ATP7A: variants seen among roughly 807,000 people sequenced by gnomAD.
The protein encoded by ATP7A is ATPase copper transporting alpha.
A neutral mutation model predicts 83.5 loss-of-function variants in ATP7A; 7 were observed. The observed-to-expected ratio is 0.08, with a 90% CI of 0.05 to 0.16. The LOEUF (loss-of-function observed/expected upper bound fraction) is 0.16. Ranked by LOEUF, ATP7A falls within the 10% of genes least tolerant of loss-of-function variation. The probability of loss-of-function intolerance (pLI) is 1.00; values close to 1 mark genes in which losing one functional copy is unlikely to be tolerated. For missense variants in ATP7A, 940 were observed against 1,120.8 expected (o/e 0.84, Z 2.30); for synonymous variants, 354 against 395.2 (o/e 0.90, Z 1.24).
chrX:77,978,351 C>G (rs2077587358), intron 2 of ATP7A, among the ~76,000 whole-genome samples: 1 of 110,997 alleles, frequency 9.0e-6, no homozygotes, highest in Admixed American at 9.7e-5. Flanking sequence ...TCTTGGAACA[C>G]CCCTACTACT....
chrX:77,922,571 C>G (rs2077221925), intron 1 of ATP7A, among the ~76,000 whole-genome samples: 1 of 111,288 alleles, frequency 9.0e-6, no homozygotes, highest in Non-Finnish European at 1.9e-5. Flanking sequence ...CACACCCCAC[C>G]CCACCCCACA....
intron 22 of ATP7A, 22 bp from the exon 23 acceptor site, chrX:78,046,272 G>A (rs1557239079): frequency 1.7e-6 from 2 of 1,208,108 alleles, no homozygotes; most frequent in Non-Finnish European, 2.2e-6. Flanking sequence ...TTTGAAACTA[G>A]CATACTTTTG....
At chrX:78,017,811 C>T (rs1487902686) in intron 12 of ATP7A, among the ~76,000 whole-genome samples, 7 of 78,288 alleles carry the variant, frequency 8.9e-5, no homozygotes, top group Non-Finnish European at 1.3e-4. Context: ...GAGTCTCGCT[C>T]TGTCGCCCAG....
chrX:77,949,661 A>T (rs781865771), intron 1 of ATP7A, among the ~76,000 whole-genome samples: 2 of 112,085 alleles, frequency 1.8e-5, no homozygotes, highest in South Asian at 7.3e-4. Context: ...TAAGCATGCT[A>T]TGGGCATCTG....
Position 77,971,630 on chromosome X carries a change from G to A in ATP7A, c.-12G>A. The A allele has an allele frequency of 8.3e-7, 1 of 1,209,971 alleles. No individual in the cohort carries two copies. Among genetic ancestry groups the A allele is most frequent in the African/African-American group, 1.7e-5 (1 of 57,816 alleles). ...TTATTGTTTCTAACAGGAATGTAAT[G>A]AGGAAATCAAAATGGATCCAAGTAT... On this transcript the variant is annotated 5_prime_UTR_variant, in exon 2 of 23. It removes an upstream start codon present in the reference 5' UTR. Coordinates refer to ENST00000341514, the MANE Select transcript of ATP7A (RefSeq NM_000052.7).
At chrX:77,931,891 G>C (rs1242447917) in intron 1 of ATP7A, among the ~76,000 whole-genome samples, 1 of 99,397 alleles carries the variant, frequency 1.0e-5, no homozygotes, top group African/African-American at 3.7e-5. Context: ...CCCAGTAGGG[G>C]CGGCCGGGCA....
At chrX:77,956,230 T>C (rs1263428252) in intron 1 of ATP7A, among the ~76,000 whole-genome samples, 1 of 111,914 alleles carries the variant, frequency 8.9e-6, no homozygotes, top group African/African-American at 3.2e-5. Flanking sequence ...CTGTTTCCCA[T>C]AGTGGCTATA....
chrX:77,984,526 G>A (rs1484856138), intron 2 of ATP7A, among the ~76,000 whole-genome samples: 1 of 109,609 alleles, frequency 9.1e-6, no homozygotes, highest in Non-Finnish European at 1.9e-5. Context: ...CACCACCACG[G>A]CCAGCTAATT....
chrX:78,046,428 A>G lies in ATP7A; in HGVS notation c.4361A>G (p.Asp1454Gly), dbSNP rs1557239123. Residue 1454 changes from aspartate to glycine, a missense_variant, in exon 23 of 23, where the codon GAC becomes GGC. Coordinates refer to ENST00000341514, the MANE Select transcript of ATP7A (RefSeq NM_000052.7). The part of the protein sequence containing the change: ...SRNSPKLGLL[D>G]RIVNYSRASI... ...AATTCTCCTAAACTGGGTTTGCTGG[A>G]CCGGATTGTTAATTATAGCAGAGCC... 8.3e-7 allele frequency: 1 copy of G among 1,211,378 alleles called. No homozygotes were observed. Among genetic ancestry groups the G allele is most frequent in the Admixed American group, 2.2e-5 (1 of 45,972 alleles).
chrX:77,974,340 C>T (rs1263130264), intron 2 of ATP7A, among the ~76,000 whole-genome samples: 1 of 110,697 alleles, frequency 9.0e-6, no homozygotes, highest in African/African-American at 3.3e-5. Flanking sequence ...GTTGGGGTTT[C>T]GCCGTGTTGG....
intron 4 of ATP7A, among the ~76,000 whole-genome samples, chrX:77,995,104 T>A (rs1050660703): frequency 3.6e-5 from 4 of 111,462 alleles, no homozygotes; most frequent in African/African-American, 1.3e-4. Flanking sequence ...CTGCTAGAGA[T>A]TAGAGTTTAA....
intron 13 of ATP7A, 138 bp downstream of exon 13, chrX:78,020,536 A>G: frequency 1.3e-6 from 1 of 761,091 alleles, no homozygotes; most frequent in Admixed American, 2.7e-5. Flanking sequence ...GTTTTGAGAT[A>G]GGGTCTCACT....
chrX:77,915,551 CAATAAAATGTAGTTACCTTT>C (rs1439657592), intron 1 of ATP7A, among the ~76,000 whole-genome samples: 84 of 110,732 alleles, frequency 7.6e-4, no homozygotes, highest in African/African-American at 2.3e-3. Flanking sequence ...AGTAAACATA[CAATAAAATGTAGTTACCTTT>C]AATATTTTAA....
intron 1 of ATP7A, among the ~76,000 whole-genome samples, chrX:77,944,942 C>A (rs1306428026): frequency 1.8e-5 from 2 of 110,326 alleles, no homozygotes; most frequent in Non-Finnish European, 3.8e-5. Flanking sequence ...CCTCTGCCTC[C>A]CAGGTTCAAG....
intron 2 of ATP7A, among the ~76,000 whole-genome samples, chrX:77,973,097 A>G (rs899700994): frequency 9.0e-6 from 1 of 111,157 alleles, no homozygotes; most frequent in Non-Finnish European, 1.9e-5. Context: ...AACTGCTTTC[A>G]TATGGCTCAT....
intron 12 of ATP7A, among the ~76,000 whole-genome samples, chrX:78,018,890 C>T (rs1193738185): frequency 1.0e-5 from 1 of 95,448 alleles, no homozygotes; most frequent in Non-Finnish European, 2.1e-5. Flanking sequence ...GAAGTGCCAG[C>T]AGGGGAAATG....
intron 2 of ATP7A, among the ~76,000 whole-genome samples, chrX:77,979,075 G>T (rs183506101): frequency 4.5e-5 from 5 of 110,734 alleles, no homozygotes; most frequent in African/African-American, 1.6e-4. Flanking sequence ...CAGATGATCC[G>T]CCCCCCTTCA....
At chrX:78,010,270 C>T (rs1015964364) in intron 7 of ATP7A, among the ~76,000 whole-genome samples, 4 of 111,962 alleles carry the variant, frequency 3.6e-5, no homozygotes, top group African/African-American at 1.3e-4. Flanking sequence ...TATCCAAAGT[C>T]ACATAGCTAA....
intron 4 of ATP7A, among the ~76,000 whole-genome samples, chrX:77,994,819 T>C (rs2077691883): frequency 9.0e-6 from 1 of 111,415 alleles, no homozygotes; most frequent in Admixed American, 9.6e-5. Flanking sequence ...TGGGATTACA[T>C]GTTTGAGCCA....
Sources: allele counts gnomAD v4.1 joint callset (sites outside exome capture counted in the v4.1 genomes callset), GRCh38; gene constraint gnomAD v4.1.1; transcripts MANE v1.5; gene names NCBI Gene and HGNC (gene_info 2026-07-23, HGNC 2026-07-21).